The following KIF24 variants were observed in gnomAD, a reference collection of about 807,000 sequenced individuals.
The protein encoded by KIF24 is kinesin family member 24, also known as kinesin-like protein KIF24.
Under a neutral mutation model 118.9 loss-of-function variants are expected in KIF24, and 81 were observed. The ratio of observed to expected loss-of-function variants is 0.68; its 90% CI spans 0.57 to 0.82. The LOEUF is 0.82. Among genes scored for constraint, KIF24 ranks in the 40% least tolerant of loss-of-function variants. The probability of loss-of-function intolerance (pLI) is 0.00; values close to 1 mark genes in which losing one functional copy is unlikely to be tolerated. For missense variants in KIF24, 1,560 were observed against 1,661.6 expected (o/e 0.94, Z 1.06); for synonymous variants, 599 against 610.0 (o/e 0.98, Z 0.27).
intron 4 of KIF24, 41 bp from the exon 5 acceptor site, chr9:34,290,430 G>A (rs926243770): frequency 1.6e-6 from 2 of 1,260,408 alleles, no homozygotes; most frequent in African/African-American, 3.0e-5. Flanking sequence ...CATATTAAGA[G>A]AAGTATTAGT....
chr9:34,269,374 A>C lies in KIF24; in HGVS notation c.1338-12T>G, dbSNP rs779506850. The C allele has an allele frequency of 3.0e-6, 4 of 1,346,752 alleles. No homozygotes were observed. Among genetic ancestry groups the C allele is most frequent in the Non-Finnish European group, 4.2e-6 (4 of 942,146 alleles). The allele number at this position is 1,346,752 out of a possible 1,614,324, so 83.4% of individuals were successfully genotyped here. A position where few individuals can be genotyped will look rare whatever the true frequency, so the allele number is the denominator to read the frequency against. ...CAATAAAAGAGATCCTAGAGAAAAG[A>C]CACAGCAGGAGTGACTTCTGTGAAG... On this transcript the variant is annotated splice_polypyrimidine_tract_variant and intron_variant, in intron 7 of 12. Coordinates refer to ENST00000402558, the MANE Select transcript of KIF24 (RefSeq NM_194313.4).
At chr9:34,297,212 AGT>A (rs1282041201) in intron 3 of KIF24, 98 bp from the exon 4 acceptor site, 11 of 663,420 alleles carry the variant, frequency 1.7e-5, no homozygotes, top group Non-Finnish European at 2.9e-5. Flanking sequence ...TATGTCTTTA[AGT>A]AACAGTAACT....
At chr9:34,313,400 G>C (rs1320141349) in intron 1 of KIF24, among the ~76,000 whole-genome samples, 1 of 152,150 alleles carries the variant, frequency 6.6e-6, no homozygotes, top group Non-Finnish European at 1.5e-5. Context: ...TAAGTTTTGA[G>C]GGTAATTTGC....
chr9:34,325,013 C>T (rs1837631512), intron 1 of KIF24, among the ~76,000 whole-genome samples: 1 of 151,438 alleles, frequency 6.6e-6, no homozygotes, highest in African/African-American at 2.4e-5. Flanking sequence ...TGTCTATTTC[C>T]CCTAATAGAG....
upstream of KIF24, chr9:34,329,367 A>G (rs1837804678): frequency 6.6e-6 from 1 of 152,278 alleles, no homozygotes; most frequent in African/African-American, 2.4e-5. Context: ...TGGAAGACCA[A>G]TCAGAGGTCT....
chr9:34,319,079 G>A, intron 1 of KIF24: 2 of 1,324,470 alleles, frequency 1.5e-6, no homozygotes, highest in Non-Finnish European at 2.2e-6. Context: ...TGGCTTCATG[G>A]TGACTCGGTT....
rs1486309299 is a variant in KIF24 at position 34,286,655 on chromosome 9, G to C, written c.1177C>G (p.Gln393Glu). The change falls in exon 6 of 13, where the codon CAA becomes GAA. Residue 393 changes from glutamine (Q) to glutamate (E), a missense_variant. Coordinates refer to ENST00000402558, the MANE Select transcript of KIF24 (RefSeq NM_194313.4). ...TCCACACTGTCCACCTGAAGCTCTT[G>C]CAGTCCCACTATCTGCACCATGTGC... ...SKHMVQIVGL[Q>E]ELQVDSVELL... 9.3e-6 allele frequency: 15 copies of C among 1,613,492 alleles called. No homozygotes were observed. Among genetic ancestry groups the C allele is most frequent in the Non-Finnish European group, 1.3e-5 (15 of 1,179,502 alleles).
chr9:34,266,692 AAAAG>A (rs1835306343), intron 8 of KIF24, among the ~76,000 whole-genome samples: 3 of 149,592 alleles, frequency 2.0e-5, no homozygotes, highest in Admixed American at 6.6e-5. Context: ...AAAAAAAAAA[AAAAG>A]AAAGAAAAAG....
chr9:34,318,307 A>T lies in KIF24; in HGVS notation c.-25-6936T>A, dbSNP rs1379556339. On this transcript the variant is annotated intron_variant, in intron 1 of 12. Coordinates refer to ENST00000402558, the MANE Select transcript of KIF24 (RefSeq NM_194313.4). The surrounding 1 kb of genome is among the most constrained non-coding windows in gnomAD (Gnocchi z 4.9). ...AATCGTGTCGCGGCTCGAGAGCGAGACTCCCGTCTTGGAGCCAGCCCAGCC... is the reference window on the plus strand; with the variant it reads ...AATCGTGTCGCGGCTCGAGAGCGAGTCTCCCGTCTTGGAGCCAGCCCAGCC... 15 of 568,218 alleles carry T rather than the reference A, an allele frequency of 2.6e-5. No individual in the cohort carries two copies. In the East Asian group the frequency reaches 4.0e-4, roughly 15 times the overall value. The allele number at this position is 568,218 out of a possible 1,614,324, so 35.2% of individuals were successfully genotyped here. A position where few individuals can be genotyped will look rare whatever the true frequency, so the allele number is the denominator to read the frequency against.
chr9:34,325,888 T>C (rs571147418), intron 1 of KIF24, among the ~76,000 whole-genome samples: 2 of 152,274 alleles, frequency 1.3e-5, no homozygotes, highest in East Asian at 3.9e-4. Flanking sequence ...GTGCCCTGAG[T>C]CACTGCTCCT....
chr9:34,313,516 T>C (rs563431042), intron 1 of KIF24, among the ~76,000 whole-genome samples: 2 of 151,496 alleles, frequency 1.3e-5, no homozygotes, highest in African/African-American at 2.4e-5. Flanking sequence ...TTTTTAGAGA[T>C]AGGGTCTTTG....
chr9:34,290,204 T>C lies in KIF24; in HGVS notation c.1097A>G (p.Gln366Arg). The C allele has an allele frequency of 6.2e-7, 1 of 1,613,844 alleles. No homozygotes were observed. The highest frequency in any genetic ancestry group is 8.5e-7 in the Non-Finnish European group (1 of 1,179,752). ...WISFYEIYCG[Q>R]LYDLLNRRKR... ...TCTTCTATTTAGGAGGTCATAAAGC[T>C]GTCCACAGTAAATTTCATAGAAGCT... The change falls in exon 5 of 13, where the codon CAG (glutamine) becomes CGG (arginine). Residue 366 changes from glutamine to arginine, a missense_variant. Transcript: ENST00000402558.
At chr9:34,300,611 G>A (rs1488365119) in intron 3 of KIF24, among the ~76,000 whole-genome samples, 2 of 151,820 alleles carry the variant, frequency 1.3e-5, no homozygotes, top group African/African-American at 2.4e-5. Context: ...AAGGTGATCC[G>A]CCTGCCTCGG....
chr9:34,306,946 TAACAG>T (rs1007184677), intron 2 of KIF24, among the ~76,000 whole-genome samples: 5 of 151,910 alleles, frequency 3.3e-5, no homozygotes, highest in Non-Finnish European at 7.4e-5. Flanking sequence ...AAAACACAAA[TAACAG>T]AACAACAACA....
chr9:34,332,911 C>G (rs899083208), upstream of KIF24, among the ~76,000 whole-genome samples: 7 of 152,138 alleles, frequency 4.6e-5, no homozygotes, highest in Admixed American at 4.6e-4. Flanking sequence ...TGCCTCATTT[C>G]TGTCCACTCC....
intron 6 of KIF24, chr9:34,282,792 C>T (rs1296463518): frequency 6.6e-6 from 1 of 152,118 alleles, no homozygotes. Context: ...TGCATCATGC[C>T]TCTAATCCCA....
intron 1 of KIF24, among the ~76,000 whole-genome samples, chr9:34,320,332 C>CAAAAAAA (rs66835823): frequency 4.7e-5 from 5 of 106,308 alleles, no homozygotes; most frequent in Non-Finnish European, 7.4e-5. Flanking sequence ...AATGTTCCAA[C>CAAAAAAA]AAAAAAAAAA....
chr9:34,254,413 G>A lies in KIF24; in HGVS notation c.4074C>T (p.Pro1358=). Residue 1358 remains proline (P), a synonymous_variant, in exon 13 of 13, where the codon CCC becomes CCT. Transcript: ENST00000402558. ...GCACTGTTCCCTCAGGGGCTGCGGT[G>A]GGCCCGTGGCAGGTGAGATAGAGCT... ...QLQLYLTCHG[P]TAAPEGTVPS 1 of 1,613,798 alleles carries A rather than the reference G, an allele frequency of 6.2e-7. No homozygotes were observed.
At chr9:34,286,307 T>C (rs1186330082) in intron 6 of KIF24, among the ~76,000 whole-genome samples, 5 of 151,916 alleles carry the variant, frequency 3.3e-5, no homozygotes, top group Non-Finnish European at 7.4e-5. Flanking sequence ...GCACTCCAGG[T>C]TGGGTGACAG....
Sources: gnomAD v4.1 joint callset for allele counts (sites outside exome capture counted in the v4.1 genomes callset) on GRCh38, gnomAD v4.1.1 for gene constraint, Gnocchi (gnomAD v3.1) non-coding constraint, MANE v1.5 for transcripts, NCBI Gene and HGNC (gene_info 2026-07-23, HGNC 2026-07-21) for gene names.